TNS3: variants seen among roughly 807,000 people sequenced by gnomAD.
The protein encoded by TNS3 is tensin 3, also known as tensin-3.
A neutral mutation model predicts 140.9 loss-of-function variants in TNS3; 45 were observed. The ratio of observed to expected loss-of-function variants is 0.32; its 90% CI spans 0.25 to 0.41. The LOEUF is 0.41. Among genes scored for constraint, TNS3 ranks in the 10% least tolerant of loss-of-function variants. The pLI, the probability that TNS3 is intolerant of heterozygous loss-of-function variation, is 1.00. For synonymous variants in TNS3, 815 were observed against 788.4 expected, an observed-to-expected ratio of 1.03 and a Z score of -0.56; for missense variants, 1,716 against 1,906.7, an observed-to-expected ratio of 0.90 and a Z score of 1.86.
chr7:47,476,846 C>T (rs564961660), intron 4 of TNS3, among the ~76,000 whole-genome samples: 1 of 152,330 alleles, frequency 6.6e-6, no homozygotes, highest in East Asian at 1.9e-4. Context: ...GGAGGTTTGC[C>T]TCCCAGCTCC....
At chr7:47,344,276 T>C (rs557607681) in intron 20 of TNS3, among the ~76,000 whole-genome samples, 61 of 152,134 alleles carry the variant, frequency 4.0e-4, no homozygotes, top group African/African-American at 1.4e-3. Flanking sequence ...GATCAGGCCA[T>C]GGACAGAGCC....
Position 47,524,659 on chromosome 7 carries a change from G to A in TNS3, c.-153+4377C>T, listed in dbSNP as rs373226787. 9.0e-3 allele frequency among the ~76,000 whole-genome samples: 1,351 copies of A among 149,382 alleles called. 6 individuals carry two copies. Among genetic ancestry groups the A allele is most frequent in the Middle Eastern group, 0.017 (5 of 294 alleles). ...CTACTAAAAATACAAAAAATTAGCC[G>A]GGCGCGGTGGCGGGCGCCTGTAGTC... On this transcript the variant is annotated intron_variant, in intron 2 of 30. Coordinates refer to ENST00000311160, the MANE Select transcript of TNS3 (RefSeq NM_022748.12).
intron 1 of TNS3, among the ~76,000 whole-genome samples, chr7:47,564,526 C>T (rs904697187): frequency 1.3e-5 from 2 of 151,306 alleles, no homozygotes; most frequent in Non-Finnish European, 2.9e-5. Context: ...ATCCCAGCTA[C>T]TCGGGAGGCT....
At chr7:47,432,645 G>A (rs191016437) in intron 8 of TNS3, among the ~76,000 whole-genome samples, 95 of 152,308 alleles carry the variant, frequency 6.2e-4, no homozygotes, top group Admixed American at 1.2e-3. Flanking sequence ...AGTATTTAAG[G>A]TTTTGCAGGC....
chr7:47,455,677 AC>A (rs1796216730), intron 4 of TNS3, among the ~76,000 whole-genome samples: 1 of 152,110 alleles, frequency 6.6e-6, no homozygotes, highest in Admixed American at 6.5e-5. Context: ...CACATTTAAG[AC>A]CCCATAAAGG....
chr7:47,363,159 A>ATCACCATCATCATCAT (rs913153499), intron 17 of TNS3, among the ~76,000 whole-genome samples: 6 of 23,152 alleles, frequency 2.6e-4, no homozygotes, highest in Admixed American at 1.2e-3. Flanking sequence ...CATCATCATC[A>ATCACCATCATCATCAT]GTCATCACCA....
intron 16 of TNS3, among the ~76,000 whole-genome samples, chr7:47,376,839 A>G (rs1791420305): frequency 6.6e-6 from 1 of 152,082 alleles, no homozygotes. Context: ...ATTCATTATC[A>G]GGAACAGACC....
At chr7:47,326,353 A>T (rs2150882014) in intron 20 of TNS3, among the ~76,000 whole-genome samples, 1 of 152,296 alleles carries the variant, frequency 6.6e-6, no homozygotes, top group Middle Eastern at 3.4e-3. Flanking sequence ...TGGACTCAGA[A>T]AACTATGTTC....
Position 47,276,992 on chromosome 7 carries a change from T to G in TNS3, c.*1084A>C, listed in dbSNP as rs1784898208. On this transcript the variant is annotated 3_prime_UTR_variant, in exon 31 of 31. Coordinates refer to ENST00000311160, the MANE Select transcript of TNS3 (RefSeq NM_022748.12). ...GATGCTGAGCTTAAATCCAGGAGTTTTCCATCCCTCCTGGACTCTCTCCAT... is the reference window on the plus strand; with the variant it reads ...GATGCTGAGCTTAAATCCAGGAGTTGTCCATCCCTCCTGGACTCTCTCCAT... 1 of 152,180 alleles carries G rather than the reference T, an allele frequency of 6.6e-6. No homozygotes were observed. Among genetic ancestry groups the G allele is most frequent in the African/African-American group, 2.4e-5 (1 of 41,438 alleles). 9.4% of individuals were successfully genotyped at this position (152,180 alleles called of 1,614,324 possible).
chr7:47,346,891 AC>A (rs1789376690), intron 17 of TNS3, among the ~76,000 whole-genome samples: 2 of 152,174 alleles, frequency 1.3e-5, no homozygotes, highest in Non-Finnish European at 2.9e-5. Context: ...ATAAATATTC[AC>A]CATCCCAATC....
intron 27 of TNS3, among the ~76,000 whole-genome samples, chr7:47,288,096 A>G (rs1785511050): frequency 6.6e-6 from 1 of 152,232 alleles, no homozygotes; most frequent in Non-Finnish European, 1.5e-5. Flanking sequence ...ATAACTAAGA[A>G]GCTTAAGGAG....
chr7:47,354,289 G>A (rs1789858222), intron 17 of TNS3, among the ~76,000 whole-genome samples: 1 of 152,134 alleles, frequency 6.6e-6, no homozygotes, highest in Non-Finnish European at 1.5e-5. Context: ...GCTGATAAGG[G>A]GACAAGAGGG....
At chr7:47,417,018 G>A (rs1037954958) in intron 10 of TNS3, among the ~76,000 whole-genome samples, 1 of 152,168 alleles carries the variant, frequency 6.6e-6, no homozygotes, top group Non-Finnish European at 1.5e-5. Flanking sequence ...GTGACCACGC[G>A]GCTAAGACGG....
chr7:47,470,777 T>C, intron 4 of TNS3: 2 of 360,180 alleles, frequency 5.6e-6, no homozygotes, highest in Non-Finnish European at 7.7e-6. Flanking sequence ...GGATGTAAGC[T>C]GACACCAGGG....
intron 4 of TNS3, among the ~76,000 whole-genome samples, chr7:47,475,246 G>A (rs1031431001): frequency 2.6e-5 from 4 of 152,346 alleles, no homozygotes; most frequent in East Asian, 1.9e-4. Flanking sequence ...ACCTTGGAGG[G>A]AACTAGCCCA....
intron 21 of TNS3, 148 bp downstream of exon 21, chr7:47,304,684 C>G: frequency 6.7e-6 from 5 of 742,608 alleles, no homozygotes; most frequent in Non-Finnish European, 9.4e-6. Flanking sequence ...CAGCCCTGGT[C>G]CCCTGCCCCG....
At chr7:47,430,718 G>A (rs1794887875) in intron 8 of TNS3, among the ~76,000 whole-genome samples, 1 of 146,412 alleles carries the variant, frequency 6.8e-6, no homozygotes, top group African/African-American at 2.5e-5. Flanking sequence ...ATCATATTCA[G>A]TATTTTTTCT....
At chr7:47,515,809 T>C (rs949553436) in intron 2 of TNS3, among the ~76,000 whole-genome samples, 1 of 152,214 alleles carries the variant, frequency 6.6e-6, no homozygotes, top group African/African-American at 2.4e-5. Flanking sequence ...ACAATATCAT[T>C]ATCACCATCG....
intron 20 of TNS3, among the ~76,000 whole-genome samples, chr7:47,318,800 A>G (rs1337546389): frequency 1.3e-5 from 2 of 152,236 alleles, no homozygotes; most frequent in African/African-American, 4.8e-5. Flanking sequence ...AGCTTCAGGC[A>G]GCTCAAGATG....
Sources: gnomAD v4.1 joint callset for allele counts (sites outside exome capture counted in the v4.1 genomes callset) on GRCh38, gnomAD v4.1.1 for gene constraint, MANE v1.5 for transcripts, NCBI Gene and HGNC (gene_info 2026-07-23, HGNC 2026-07-21) for gene names.